The following DNAH3 variants were observed in gnomAD, a reference collection of about 807,000 sequenced individuals.
The protein encoded by DNAH3 is dynein axonemal heavy chain 3.
DNAH3 carries 332 observed loss-of-function variants against 432.5 expected under a neutral mutation model. The observed-to-expected ratio is 0.77, with a 90% CI of 0.70 to 0.84. The LOEUF (loss-of-function observed/expected upper bound fraction) is 0.84, where lower values mean the gene tolerates loss of function less well. Among genes scored for constraint, DNAH3 ranks in the 40% least tolerant of loss-of-function variants. The probability of loss-of-function intolerance (pLI) is 0.00; values close to 1 mark genes in which losing one functional copy is unlikely to be tolerated. For missense variants in DNAH3, 4,861 were observed against 5,114.0 expected, an observed-to-expected ratio of 0.95 and a Z score of 1.51; for synonymous variants, 1,956 against 1,900.2, an observed-to-expected ratio of 1.03 and a Z score of -0.76.
At chr16:21,053,103 C>T (rs2090013918) in intron 28 of DNAH3, among the ~76,000 whole-genome samples, 1 of 152,162 alleles carries the variant, frequency 6.6e-6, no homozygotes, top group South Asian at 2.1e-4. Context: ...AGAGCTAGTA[C>T]AGCCGACTCA....
intron 19 of DNAH3, 144 bp from the exon 20 acceptor site, chr16:21,081,871 A>T: frequency 1.7e-6 from 1 of 585,386 alleles, no homozygotes; most frequent in South Asian, 2.9e-5. Context: ...AGCACCAGAG[A>T]TGTGGCTAGT....
intron 53 of DNAH3, among the ~76,000 whole-genome samples, chr16:20,960,537 T>C (rs549290664): frequency 6.6e-6 from 1 of 152,120 alleles, no homozygotes; most frequent in African/African-American, 2.4e-5. Context: ...AATACAAAAA[T>C]TAGCTGGGCT....
In DNAH3 at chr16:21,000,275, G is replaced by A. The variant is rs761665595; in HGVS notation, c.6370C>T (p.Arg2124Trp). ...ATGGGAGGCCCGAAAAGGCCCTTCC[G>A]TCGTCGATCCAGCTTGGACATGATG... is the stretch of plus-strand genomic sequence containing the variant. Residue 2124 changes from arginine (R) to tryptophan (W), a missense_variant, in exon 43 of 62, where the codon CGG becomes TGG. By Grantham distance (101) the Arg-to-Trp change is moderately radical. Transcript: ENST00000261383. 3.6e-5 allele frequency: 58 copies of A among 1,613,984 alleles called. 1 individual carries two copies. In the East Asian group the frequency reaches 1.0e-3, roughly 28 times the overall value.
rs148161605 is a variant in DNAH3, at chr16:21,149,620, C to T, written c.118-3532G>A. ...GGGCCCCACTCCAAATCTTCTGGAT[C>T]GGAATCTAGGAGTGGGGGACCAAGA... On this transcript the variant is annotated intron_variant, in intron 1 of 61. Coordinates refer to ENST00000261383, the Ensembl canonical transcript of DNAH3. Among the ~76,000 whole-genome samples the T allele has an allele frequency of 2.8e-3, 429 of 152,224 alleles. 2 individuals are homozygous for T. The highest frequency in any genetic ancestry group is 0.01 in the African/African-American group (416 of 41,544).
intron 11 of DNAH3, among the ~76,000 whole-genome samples, chr16:21,118,367 G>A (rs182577116): frequency 1.1e-4 from 16 of 152,248 alleles, no homozygotes; most frequent in African/African-American, 2.9e-4. Flanking sequence ...GAAAACAAAC[G>A]ATGGCTTTAT....
chr16:21,050,648 C>T (rs2089916136), intron 29 of DNAH3, among the ~76,000 whole-genome samples: 1 of 152,136 alleles, frequency 6.6e-6, no homozygotes, highest in African/African-American at 2.4e-5. Flanking sequence ...CCATGTTGCC[C>T]AAGCGGGTTG....
intron 16 of DNAH3, among the ~76,000 whole-genome samples, chr16:21,103,178 G>T (rs1043127773): frequency 2.0e-5 from 3 of 152,058 alleles, no homozygotes; most frequent in Non-Finnish European, 4.4e-5. Context: ...AGGGTAGGAG[G>T]GGGGTGAGGG....
chr16:21,088,981 A>G (rs2091457366), intron 18 of DNAH3, among the ~76,000 whole-genome samples: 2 of 152,214 alleles, frequency 1.3e-5, no homozygotes. Flanking sequence ...AGGGAAAAAC[A>G]TGTGTCTCTA....
intron 7 of DNAH3, among the ~76,000 whole-genome samples, chr16:21,133,040 T>C (rs1457296719): frequency 6.6e-6 from 1 of 151,968 alleles, no homozygotes. Context: ...AGCCCTGTAC[T>C]GGCACTGAGT....
intron 25 of DNAH3, among the ~76,000 whole-genome samples, chr16:21,060,828 C>CTTTTTTT (rs34315223): frequency 3.4e-5 from 4 of 118,264 alleles, no homozygotes; most frequent in Admixed American, 9.3e-5. Context: ...CTGGTCTCTT[C>CTTTTTTT]TTTTTTTTTT....
intron 1 of DNAH3, among the ~76,000 whole-genome samples, chr16:21,147,505 T>G (rs939707536): frequency 6.6e-6 from 1 of 152,154 alleles, no homozygotes; most frequent in African/African-American, 2.4e-5. Context: ...CATAAGCCAC[T>G]CCACCAGGTG....
intron 20 of DNAH3, among the ~76,000 whole-genome samples, chr16:21,076,813 C>A (rs545866004): frequency 6.6e-6 from 1 of 152,116 alleles, no homozygotes; most frequent in East Asian, 1.9e-4. Flanking sequence ...CCCTGATTCA[C>A]GAATCTTGAT....
At chr16:20,962,051 C>T (rs942898768) in intron 53 of DNAH3, among the ~76,000 whole-genome samples, 13 of 151,718 alleles carry the variant, frequency 8.6e-5, no homozygotes, top group Non-Finnish European at 1.5e-4. Context: ...ATCCCAGCTA[C>T]TCAGGAGGCT....
intron 18 of DNAH3, among the ~76,000 whole-genome samples, chr16:21,096,777 C>G (rs925062821): frequency 2.6e-5 from 4 of 152,072 alleles, no homozygotes; most frequent in Non-Finnish European, 5.9e-5. Flanking sequence ...CTGTTATTAT[C>G]CTCACTCATC....
intron 18 of DNAH3, among the ~76,000 whole-genome samples, chr16:21,094,728 C>T (rs989329419): frequency 6.6e-6 from 1 of 151,942 alleles, no homozygotes; most frequent in Non-Finnish European, 1.5e-5. Flanking sequence ...TGGCTGTGTC[C>T]CCATTCAAAT....
At chr16:21,086,189 T>G (rs530013350) in intron 19 of DNAH3, among the ~76,000 whole-genome samples, 1 of 152,344 alleles carries the variant, frequency 6.6e-6, no homozygotes, top group South Asian at 2.1e-4. Context: ...TTGCTAGCCC[T>G]TGGAAGTGAC....
intron 14 of DNAH3, among the ~76,000 whole-genome samples, chr16:21,106,948 T>C (rs1178491162): frequency 6.6e-6 from 1 of 152,186 alleles, no homozygotes; most frequent in African/African-American, 2.4e-5. Flanking sequence ...ATCATTTACA[T>C]AGATTAACTC....
At chr16:21,017,063 C>T (rs918523870) in intron 41 of DNAH3, among the ~76,000 whole-genome samples, 2 of 152,050 alleles carry the variant, frequency 1.3e-5, no homozygotes, top group East Asian at 1.9e-4. Context: ...ATGTGAAAAA[C>T]GTCCTGGAGA....
chr16:20,980,478 T>A (rs1185826833), intron 49 of DNAH3, among the ~76,000 whole-genome samples: 1 of 151,048 alleles, frequency 6.6e-6, no homozygotes, highest in African/African-American at 2.4e-5. Flanking sequence ...GCTCAAGTGA[T>A]CCTCCCACCT....
Sources: gnomAD v4.1 joint callset for allele counts (sites outside exome capture counted in the v4.1 genomes callset) on GRCh38, gnomAD v4.1.1 for gene constraint, MANE v1.5 for transcripts, NCBI Gene and HGNC (gene_info 2026-07-23, HGNC 2026-07-21) for gene names.